FAM13C: variants seen among roughly 807,000 people sequenced by gnomAD.
The protein encoded by FAM13C is protein FAM13C.
Under a neutral mutation model 73.2 loss-of-function variants are expected in FAM13C, and 37 were observed. The ratio of observed to expected loss-of-function variants is 0.51; its 90% CI spans 0.39 to 0.67. The LOEUF is 0.67. FAM13C is among the 30% of genes least tolerant of loss of function. The pLI, the probability that FAM13C is intolerant of heterozygous loss-of-function variation, is 0.00. For synonymous variants in FAM13C, 246 were observed against 260.9 expected (o/e 0.94, Z 0.55); for missense variants, 589 against 715.6 (o/e 0.82, Z 2.02).
intron 3 of FAM13C, among the ~76,000 whole-genome samples, chr10:59,345,291 G>A (rs1169070913): frequency 6.6e-6 from 1 of 152,076 alleles, no homozygotes; most frequent in East Asian, 1.9e-4. Context: ...TATGCAATGC[G>A]GCCCTGAGTG....
intron 5 of FAM13C, among the ~76,000 whole-genome samples, chr10:59,288,101 G>T (rs1845811888): frequency 6.6e-6 from 1 of 152,180 alleles, no homozygotes; most frequent in South Asian, 2.1e-4. Context: ...ACACAAATAG[G>T]TTTCAAAGAA....
At chr10:59,334,422 G>A (rs1337311678) in intron 3 of FAM13C, among the ~76,000 whole-genome samples, 1 of 152,158 alleles carries the variant, frequency 6.6e-6, no homozygotes, top group Non-Finnish European at 1.5e-5. Flanking sequence ...ATACCCAAAG[G>A]ATTATAAATC....
chr10:59,258,367 C>T lies in FAM13C; in HGVS notation c.1237-3924G>A, dbSNP rs117215449. ...GCATGGTGGTGCACACCTGTAGTCCCAGCTACTTGAGAGGCCGAGGTGGGG... is the reference window on the plus strand; with the variant it reads ...GCATGGTGGTGCACACCTGTAGTCCTAGCTACTTGAGAGGCCGAGGTGGGG... On this transcript the variant is annotated intron_variant, in intron 10 of 13. Coordinates refer to ENST00000618804, the MANE Select transcript of FAM13C (RefSeq NM_198215.4). Among the ~76,000 whole-genome samples, 1,439 of 152,270 alleles carry T rather than the reference C, an allele frequency of 9.5e-3. 5 individuals are homozygous for T. The highest frequency in any genetic ancestry group is 0.021 in the Admixed American group (317 of 15,290).
In FAM13C at chr10:59,268,643, C is replaced by G; in HGVS notation, c.852G>C (p.Gln284His). The G allele has an allele frequency of 6.2e-7, 1 of 1,613,416 alleles. No homozygotes were observed. Among genetic ancestry groups the G allele is most frequent in the Non-Finnish European group, 8.5e-7 (1 of 1,179,822 alleles). The change falls in exon 8 of 14, where the codon CAG (glutamine) becomes CAC (histidine). Residue 284 changes from glutamine to histidine, a missense_variant. Gln to His is a conservative substitution (Grantham distance 24). Transcript: ENST00000618804. ...TGTGCTTGGTGAGCTGGGTGATGGT[C>G]TGTGGCTCCTTGCCATCTCCACAGC... The part of the protein sequence containing the change: ...RCSCGDGKEP[Q>H]TITQLTKHIQ...
intron 5 of FAM13C, among the ~76,000 whole-genome samples, chr10:59,285,939 T>G (rs1589453256): frequency 6.7e-6 from 1 of 148,722 alleles, no homozygotes; most frequent in African/African-American, 2.6e-5. Context: ...AAAATACATT[T>G]CTGTTGTTTA....
rs758447924 is a variant in FAM13C, at chr10:59,352,420, G to A, written c.174C>T (p.His58=). The change falls in exon 3 of 14, where the codon CAC becomes CAT. Residue 58 remains histidine, a synonymous_variant. Coordinates refer to ENST00000618804, the MANE Select transcript of FAM13C (RefSeq NM_198215.4). ...GCTGCGGCTCCCAAGAGGGCGGCGC[G>A]TGCTCTTCTACCAGAGCCCCTGCGT... ...YPDAGALVEE[H]APPSWEPQQQ... is the part of the protein sequence containing the mutation. 17 of 1,613,570 alleles carry A rather than the reference G, an allele frequency of 1.1e-5. No homozygotes were observed. In the South Asian group the frequency reaches 1.9e-4, roughly 18 times the overall value.
At position 59,262,574 on chromosome 10, in the gene FAM13C, G is replaced by T. The variant is rs778401167; in HGVS notation, c.1096C>A (p.Gln366Lys). The T allele has an allele frequency of 1.9e-6, 3 of 1,613,810 alleles. No homozygotes were observed. Among genetic ancestry groups the T allele is most frequent in the South Asian group, 2.2e-5 (2 of 91,078 alleles). Residue 366 changes from glutamine to lysine, a missense_variant, in exon 10 of 14, where the codon CAA (glutamine) becomes AAA (lysine). Gln to Lys is a moderately conservative substitution (Grantham distance 53, BLOSUM62 1). Coordinates refer to ENST00000618804, the MANE Select transcript of FAM13C (RefSeq NM_198215.4). ...CCATTTTCTCTGGGGACTGTGGGTTGCTCACACAACAGGTTTCTAGGTGGA... is the reference window on the plus strand; with the variant it reads ...CCATTTTCTCTGGGGACTGTGGGTTTCTCACACAACAGGTTTCTAGGTGGA... ...KGPPRNLLCE[Q>K]PTVPRENGKP...
At chr10:59,251,440 A>G in intron 13 of FAM13C, 135 bp downstream of exon 13, 2 of 770,114 alleles carry the variant, frequency 2.6e-6, no homozygotes, top group East Asian at 2.4e-5. Flanking sequence ...CATTGGACAA[A>G]TCCTGAGTCT....
chr10:59,335,574 C>T (rs913385180), intron 3 of FAM13C, among the ~76,000 whole-genome samples: 1 of 152,154 alleles, frequency 6.6e-6, no homozygotes, highest in Non-Finnish European at 1.5e-5. Flanking sequence ...ACAGGAAATC[C>T]CTGGAGGCAG....
intron 6 of FAM13C, among the ~76,000 whole-genome samples, chr10:59,273,791 A>G (rs1367241800): frequency 6.6e-6 from 1 of 152,164 alleles, no homozygotes; most frequent in Non-Finnish European, 1.5e-5. Context: ...GAAGGCCAAG[A>G]GACCACTTCT....
intron 3 of FAM13C, among the ~76,000 whole-genome samples, chr10:59,342,381 A>G (rs1853630127): frequency 6.6e-6 from 1 of 151,614 alleles, no homozygotes; most frequent in African/African-American, 2.4e-5. Context: ...AAATCCTGGC[A>G]GCTCTCAGAC....
chr10:59,343,043 T>A (rs1853717407), intron 3 of FAM13C, among the ~76,000 whole-genome samples: 1 of 152,224 alleles, frequency 6.6e-6, no homozygotes, highest in African/African-American at 2.4e-5. Flanking sequence ...TTGAATCAAA[T>A]TTTAAAATGT....
chr10:59,307,590 G>T (rs544884204), intron 4 of FAM13C, among the ~76,000 whole-genome samples: 1 of 152,308 alleles, frequency 6.6e-6, no homozygotes, highest in Non-Finnish European at 1.5e-5. Flanking sequence ...CCAAAGATGT[G>T]CTAGGTACTG....
intron 4 of FAM13C, among the ~76,000 whole-genome samples, chr10:59,322,949 A>C (rs1335584491): frequency 6.6e-6 from 1 of 152,210 alleles, no homozygotes; most frequent in Non-Finnish European, 1.5e-5. Flanking sequence ...GGGTTATAAA[A>C]GGTGCCCATG....
At chr10:59,340,401 G>A (rs1853339569) in intron 3 of FAM13C, among the ~76,000 whole-genome samples, 1 of 152,078 alleles carries the variant, frequency 6.6e-6, no homozygotes, top group Admixed American at 6.5e-5. Flanking sequence ...ACCTCTTGGT[G>A]GACTGTTTGC....
rs1055685351 is a variant in FAM13C at position 59,247,239 on chromosome 10, C to A, written c.*375G>T. 2 of 169,466 alleles carry A rather than the reference C, an allele frequency of 1.2e-5. No individual in the cohort carries two copies. The highest frequency in any genetic ancestry group is 2.5e-5 in the Non-Finnish European group (2 of 80,408). 10.5% of individuals were successfully genotyped at this position (169,466 alleles called of 1,614,324 possible). ...ATGATTGATTTTTTAAAATCATGCT[C>A]TTTTCCATACATCAACATAAACAGT... is the stretch of plus-strand genomic sequence containing the variant. On this transcript the variant is annotated 3_prime_UTR_variant, in exon 14 of 14. Coordinates refer to ENST00000618804, the MANE Select transcript of FAM13C (RefSeq NM_198215.4).
upstream of FAM13C, chr10:59,362,744 C>G (rs1856561031): frequency 1.9e-6 from 1 of 540,424 alleles, no homozygotes; most frequent in Non-Finnish European, 3.1e-6. Context: ...GGAGAGTTAC[C>G]ACACGACCCC....
chr10:59,284,811 A>G (rs1366486819), intron 5 of FAM13C, among the ~76,000 whole-genome samples: 2 of 146,972 alleles, frequency 1.4e-5, no homozygotes. Flanking sequence ...CTCCCAGCCT[A>G]CTCCACACAT....
At chr10:59,320,449 G>A (rs1850070444) in intron 4 of FAM13C, among the ~76,000 whole-genome samples, 1 of 152,156 alleles carries the variant, frequency 6.6e-6, no homozygotes, top group Non-Finnish European at 1.5e-5. Flanking sequence ...ATCTGAGGTT[G>A]GCTCTGTTAA....
Sources: gnomAD v4.1 joint callset for allele counts (sites outside exome capture counted in the v4.1 genomes callset) on GRCh38, gnomAD v4.1.1 for gene constraint, MANE v1.5 for transcripts, NCBI Gene and HGNC (gene_info 2026-07-23, HGNC 2026-07-21) for gene names.